The following SLC25A20 variants were observed in gnomAD, a reference collection of about 807,000 sequenced individuals.
SLC25A20 encodes the protein solute carrier family 25 member 20.
In SLC25A20, 29 loss-of-function variants were observed where a neutral mutation model predicts 39.7. The observed-to-expected ratio is 0.73, with a 90% CI of 0.54 to 1.00. The LOEUF (loss-of-function observed/expected upper bound fraction) is 1.00, where lower values mean the gene tolerates loss of function less well. Ranked by LOEUF, SLC25A20 falls within the 50% of genes least tolerant of loss-of-function variation. SLC25A20 has a pLI of 0.00. For synonymous variants in SLC25A20, 103 were observed against 142.2 expected (o/e 0.72, Z 1.96); for missense variants, 333 against 379.9 (o/e 0.88, Z 1.03).
chr3:48,873,650 A>C (rs2083733807), intron 4 of SLC25A20, among the ~76,000 whole-genome samples: 1 of 151,112 alleles, frequency 6.6e-6, no homozygotes, highest in Non-Finnish European at 1.5e-5. Flanking sequence ...TAAAAAAAAA[A>C]ACAAGAAAAT....
At chr3:48,893,427 T>C (rs2083891286) in intron 1 of SLC25A20, among the ~76,000 whole-genome samples, 1 of 152,064 alleles carries the variant, frequency 6.6e-6, no homozygotes, top group Non-Finnish European at 1.5e-5. Context: ...TCCCAGAACT[T>C]TGGGAGGCAG....
intron 2 of SLC25A20, among the ~76,000 whole-genome samples, chr3:48,889,457 A>G (rs1252449203): frequency 6.6e-6 from 1 of 152,126 alleles, no homozygotes; most frequent in Non-Finnish European, 1.5e-5. Flanking sequence ...GGGGAACTGG[A>G]GACTGATAGC....
chr3:48,881,794 G>A (rs1387951043), intron 3 of SLC25A20, among the ~76,000 whole-genome samples: 1 of 152,152 alleles, frequency 6.6e-6, no homozygotes, highest in African/African-American at 2.4e-5. Context: ...AAGACCAGGC[G>A]CTCAAAGAGG....
chr3:48,866,553 CA>C lies in SLC25A20; in HGVS notation c.418-3895del, dbSNP rs572943196. Among the ~76,000 whole-genome samples, 430 of 141,836 alleles carry C rather than the reference CA, an allele frequency of 3.0e-3. 4 individuals are homozygous for C. Among genetic ancestry groups the C allele is most frequent in the African/African-American group, 0.011 (406 of 38,494 alleles). The allele number at this position is 141,836 out of a possible 152,430, so 93.0% of individuals were successfully genotyped here. On this transcript the variant is annotated intron_variant, in intron 4 of 8. Transcript: ENST00000319017. Reference sequence around the variant, plus strand: ...TGGGTGACAGAACAAGACTCCATCTCAAAAAAAAAACAAAAAACAAAAACAA... The same window carrying C: ...TGGGTGACAGAACAAGACTCCATCTCAAAAAAAAACAAAAAACAAAAACAA...
intron 2 of SLC25A20, among the ~76,000 whole-genome samples, chr3:48,886,072 A>G (rs1226269150): frequency 6.6e-6 from 1 of 152,310 alleles, no homozygotes; most frequent in East Asian, 1.9e-4. Context: ...AAATATATAT[A>G]AAGTTGTAAT....
At chr3:48,868,169 A>T (rs1023028037) in intron 4 of SLC25A20, among the ~76,000 whole-genome samples, 1 of 151,886 alleles carries the variant, frequency 6.6e-6, no homozygotes, top group African/African-American at 2.4e-5. Flanking sequence ...CCATTTTCTC[A>T]GTGAAGTCAG....
In SLC25A20 at chr3:48,857,367, C is replaced by T; in HGVS notation, c.*343G>A. On this transcript the variant is annotated 3_prime_UTR_variant, in exon 9 of 9. Transcript: ENST00000319017. ...GCCTCCAGTGAGAACCTGAGATTCT[C>T]TCTTTAATGAGGAATACTTTGACTG... The T allele has an allele frequency of 3.2e-6, 1 of 317,424 alleles. No individual in the cohort carries two copies. Among genetic ancestry groups the T allele is most frequent in the South Asian group, 3.1e-5 (1 of 32,732 alleles). 19.7% of individuals were successfully genotyped at this position (317,424 alleles called of 1,614,324 possible).
chr3:48,865,847 C>A (rs1414395683), intron 4 of SLC25A20, among the ~76,000 whole-genome samples: 1 of 151,298 alleles, frequency 6.6e-6, no homozygotes, highest in Non-Finnish European at 1.5e-5. Flanking sequence ...TCACTAGTGA[C>A]CAGCTGGGCA....
intron 3 of SLC25A20, among the ~76,000 whole-genome samples, chr3:48,883,734 G>A (rs1266869283): frequency 6.8e-6 from 1 of 146,322 alleles, no homozygotes; most frequent in Non-Finnish European, 1.5e-5. Context: ...CGATTCTCCT[G>A]CCTCGGCCTT....
At chr3:48,893,702 G>C (rs1204254573) in intron 1 of SLC25A20, among the ~76,000 whole-genome samples, 1 of 151,550 alleles carries the variant, frequency 6.6e-6, no homozygotes, top group Non-Finnish European at 1.5e-5. Flanking sequence ...GGCTAATTTT[G>C]GTTTTTTTGT....
Position 48,871,505 on chromosome 3 carries a change from C to T in SLC25A20, c.417+7853G>A, listed in dbSNP as rs529421644. On this transcript the variant is annotated intron_variant, in intron 4 of 8. Coordinates refer to ENST00000319017, the MANE Select transcript of SLC25A20 (RefSeq NM_000387.6). ...AAACAAGGCTGGGCGCAGTGACTCA[C>T]GCCTGTAATCCCAGCACTTTGGGAG... Among the ~76,000 whole-genome samples, 6 of 152,170 alleles carry T rather than the reference C, an allele frequency of 3.9e-5. No individual in the cohort carries two copies. The East Asian group carries it at 1.2e-3, about 29-fold the overall frequency.
At chr3:48,882,098 T>C (rs1405935279) in intron 3 of SLC25A20, among the ~76,000 whole-genome samples, 1 of 152,216 alleles carries the variant, frequency 6.6e-6, no homozygotes, top group African/African-American at 2.4e-5. Flanking sequence ...CTGTACTGCC[T>C]ATAGCCCCTC....
At position 48,859,563 on chromosome 3, in the gene SLC25A20, C is replaced by T. The variant is rs774271314; in HGVS notation, c.600G>A (p.Glu200=). ...AGTTATGTTTTCCTCACCTCTTTCCCTCCGGAGTGAAGATATTTTTCAGCC... is the reference window on the plus strand; with the variant it reads ...AGTTATGTTTTCCTCACCTCTTTCCTTCCGGAGTGAAGATATTTTTCAGCC... ...YEWLKNIFTP[E]GKRVSELSAP... is the part of the protein sequence containing the mutation. The change falls in exon 6 of 9, where the codon GAG becomes GAA. Residue 200 remains glutamate (E), a synonymous_variant. Coordinates refer to ENST00000319017, the MANE Select transcript of SLC25A20 (RefSeq NM_000387.6). 2.5e-6 allele frequency: 4 copies of T among 1,613,724 alleles called. No homozygotes were observed. The highest frequency in any genetic ancestry group is 1.7e-5 in the Admixed American group (1 of 59,998).
At chr3:48,861,786 G>A (rs1275316190) in intron 5 of SLC25A20, among the ~76,000 whole-genome samples, 2 of 151,902 alleles carry the variant, frequency 1.3e-5, no homozygotes, top group African/African-American at 4.8e-5. Context: ...CGGCACCTTG[G>A]GAGGCCGAGG....
intron 4 of SLC25A20, 104 bp downstream of exon 4, chr3:48,879,254 G>T: frequency 1.1e-6 from 1 of 896,530 alleles, no homozygotes; most frequent in Non-Finnish European, 1.9e-6. Flanking sequence ...GTGAGCCACT[G>T]CACCCAGTCC....
At chr3:48,896,709 G>T (rs949066801) in intron 1 of SLC25A20, among the ~76,000 whole-genome samples, 4 of 151,596 alleles carry the variant, frequency 2.6e-5, no homozygotes, top group African/African-American at 9.7e-5. Context: ...GTAGAGATGG[G>T]ATTTCACCAT....
At chr3:48,896,273 G>A (rs902306091) in intron 1 of SLC25A20, among the ~76,000 whole-genome samples, 5 of 151,298 alleles carry the variant, frequency 3.3e-5, no homozygotes, top group South Asian at 2.1e-4. Context: ...AGGTTCAACC[G>A]ATCCTCCAGC....
At position 48,858,434 on chromosome 3, in the gene SLC25A20, A is replaced by G; in HGVS notation, c.843+73T>C. 7.5e-6 allele frequency: 12 copies of G among 1,608,032 alleles called. No homozygotes were observed. The South Asian group carries it at 1.3e-4, about 18-fold the overall frequency. On this transcript the variant is annotated intron_variant, in intron 8 of 8. Transcript: ENST00000319017. ...CTGAGACCCCAGTCCTATCCCAGGA[A>G]CAAGCAAAAGTCAAACCACATGCAC...
intron 1 of SLC25A20, among the ~76,000 whole-genome samples, chr3:48,893,852 G>GAA (rs978467478): frequency 3.0e-4 from 21 of 69,102 alleles, no homozygotes; most frequent in South Asian, 5.4e-4. Context: ...CTTTAAAAAA[G>GAA]AAAAAAAAAA....
Sources: allele counts gnomAD v4.1 joint callset (sites outside exome capture counted in the v4.1 genomes callset), GRCh38; gene constraint gnomAD v4.1.1; transcripts MANE v1.5; gene names NCBI Gene and HGNC (gene_info 2026-07-23, HGNC 2026-07-21).